The following ARL15 variants were observed in gnomAD, a reference collection of about 807,000 sequenced individuals.
ARL15 encodes ARF like GTPase 15, also known as ADP-ribosylation factor-like protein 15.
In ARL15, 19 loss-of-function variants were observed where a neutral mutation model predicts 25.2. That is an observed-to-expected ratio of 0.75 (90% confidence interval 0.53 to 1.10). The LOEUF is 1.10. ARL15 is among the 50% of genes least tolerant of loss of function. The pLI, the probability that ARL15 is intolerant of heterozygous loss-of-function variation, is 0.00. For synonymous variants in ARL15, 94 were observed against 86.8 expected (o/e 1.08, Z -0.46); for missense variants, 220 against 246.0 (o/e 0.89, Z 0.71).
At chr5:53,978,018 A>G (rs62372400) in intron 4 of ARL15, among the ~76,000 whole-genome samples, 4,218 of 152,368 alleles carry the variant, frequency 0.028, 108 homozygotes, top group Admixed American at 0.075. Flanking sequence ...TCTAAGAGAC[A>G]AAAACTTTAT....
intron 4 of ARL15, among the ~76,000 whole-genome samples, chr5:53,912,725 A>G (rs935109285): frequency 6.6e-5 from 10 of 152,202 alleles, no homozygotes; most frequent in African/African-American, 2.4e-4. Context: ...AAAGATTGCT[A>G]GAGTATTGTG....
chr5:54,307,331 A>G (rs1659053835), intron 1 of ARL15, among the ~76,000 whole-genome samples: 1 of 152,220 alleles, frequency 6.6e-6, no homozygotes, highest in African/African-American at 2.4e-5. Context: ...AAAACTGGTG[A>G]AAAAAAGCAG....
intron 1 of ARL15, among the ~76,000 whole-genome samples, chr5:54,299,809 G>A (rs1758569435): frequency 6.6e-6 from 1 of 151,828 alleles, no homozygotes; most frequent in South Asian, 2.1e-4. Flanking sequence ...AGATGGTCTG[G>A]ATCTCCTGAT....
intron 1 of ARL15, among the ~76,000 whole-genome samples, chr5:54,303,843 CTGAG>C (rs1235265416): frequency 9.9e-5 from 15 of 152,136 alleles, no homozygotes; most frequent in African/African-American, 3.1e-4. Flanking sequence ...CACTAGGGGG[CTGAG>C]TAAGGAGGTT....
At position 54,252,824 on chromosome 5, in the gene ARL15, A is replaced by G. The variant is rs561503576; in HGVS notation, c.48+57608T>C. ...ACTGCAACCTCTGCCTCCGGGCTCA[A>G]GCAATCCTTTCACCTCAGCCTTCCG... On this transcript the variant is annotated intron_variant, in intron 1 of 4. Transcript: ENST00000504924. Among the ~76,000 whole-genome samples, 20 of 152,254 alleles carry G rather than the reference A, an allele frequency of 1.3e-4. No individual in the cohort carries two copies. In the South Asian group the frequency reaches 4.1e-3, roughly 32 times the overall value.
chr5:54,310,541 T>A lies in ARL15; in HGVS notation c.-62A>T. The A allele has an allele frequency of 6.5e-7, 1 of 1,540,482 alleles. No homozygotes were observed. The highest frequency in any genetic ancestry group is 8.8e-7 in the Non-Finnish European group (1 of 1,139,294). ...GGAAAAAAAAAGCAGCGTCTCTGGC[T>A]GCGAGCGAGCAGCTCCTGAAAAAGC... is the stretch of plus-strand genomic sequence containing the variant. On this transcript the variant is annotated 5_prime_UTR_variant, in exon 1 of 5. Coordinates refer to ENST00000504924, the MANE Select transcript of ARL15 (RefSeq NM_019087.3).
chr5:53,950,922 C>T (rs1037953825), intron 4 of ARL15, among the ~76,000 whole-genome samples: 3 of 152,200 alleles, frequency 2.0e-5, no homozygotes, highest in Non-Finnish European at 2.9e-5. Context: ...CTGTTCCTGA[C>T]GATGGCTGGA....
At chr5:54,163,070 C>T (rs1754452739) in intron 2 of ARL15, among the ~76,000 whole-genome samples, 1 of 152,024 alleles carries the variant, frequency 6.6e-6, no homozygotes, top group Non-Finnish European at 1.5e-5. Context: ...TGAGGTAATT[C>T]CTTTCTAGTC....
At position 54,303,260 on chromosome 5, in the gene ARL15, G is replaced by T. The variant is rs2015000; in HGVS notation, c.48+7172C>A. Among the ~76,000 whole-genome samples the T allele has an allele frequency of 7.2e-3, 1,101 of 152,216 alleles. 16 individuals carry two copies. Among genetic ancestry groups the T allele is most frequent in the African/African-American group, 0.025 (1,037 of 41,534 alleles). On this transcript the variant is annotated intron_variant, in intron 1 of 4. Coordinates refer to ENST00000504924, the MANE Select transcript of ARL15 (RefSeq NM_019087.3). ...AATGGGGCTGGGCACAGTGGCTCAC[G>T]CCTGTGATCCTAGCACTTTGGGAAG...
chr5:53,959,075 A>C (rs977841806), intron 4 of ARL15, among the ~76,000 whole-genome samples: 2 of 152,216 alleles, frequency 1.3e-5, no homozygotes, highest in African/African-American at 4.8e-5. Flanking sequence ...ACAGACATAC[A>C]TAGAACACTC....
chr5:54,145,219 A>C (rs1753870980), intron 3 of ARL15, among the ~76,000 whole-genome samples: 1 of 152,208 alleles, frequency 6.6e-6, no homozygotes, highest in Non-Finnish European at 1.5e-5. Flanking sequence ...ACTTGTACCA[A>C]CAGTGATAAT....
intron 4 of ARL15, among the ~76,000 whole-genome samples, chr5:54,014,572 G>A (rs776455442): frequency 1.1e-4 from 17 of 151,502 alleles, no homozygotes; most frequent in Non-Finnish European, 1.8e-4. Context: ...CTAGGCTGGA[G>A]TGAAGTGGCA....
At chr5:54,239,013 C>G (rs1756883861) in intron 1 of ARL15, among the ~76,000 whole-genome samples, 1 of 152,184 alleles carries the variant, frequency 6.6e-6, no homozygotes, top group African/African-American at 2.4e-5. Context: ...CTAAGTAATA[C>G]AGCAGTTAGT....
intron 1 of ARL15, among the ~76,000 whole-genome samples, chr5:54,241,067 A>G (rs1756944586): frequency 6.6e-6 from 1 of 152,112 alleles, no homozygotes; most frequent in African/African-American, 2.4e-5. Flanking sequence ...AAGTCTCCAA[A>G]CTTCTGAATT....
intron 3 of ARL15, among the ~76,000 whole-genome samples, chr5:54,136,231 T>C (rs921468622): frequency 6.6e-6 from 1 of 152,196 alleles, no homozygotes; most frequent in Non-Finnish European, 1.5e-5. Context: ...ACTTAACTAA[T>C]GGATAATGTA....
At chr5:54,133,690 C>T (rs979236393) in intron 3 of ARL15, among the ~76,000 whole-genome samples, 3 of 152,088 alleles carry the variant, frequency 2.0e-5, no homozygotes, top group Non-Finnish European at 2.9e-5. Flanking sequence ...GAAATGGTTA[C>T]TATGTTATTC....
intron 4 of ARL15, among the ~76,000 whole-genome samples, chr5:53,999,672 G>A (rs1293265267): frequency 4.6e-5 from 7 of 152,142 alleles, no homozygotes; most frequent in Non-Finnish European, 1.0e-4. Flanking sequence ...CAGCACTTTG[G>A]GAGGCCAAGG....
In ARL15 at chr5:54,171,776, G is replaced by A. The variant is rs780877084; in HGVS notation, c.193+8C>T. On this transcript the variant is annotated splice_region_variant and intron_variant, in intron 2 of 4. Coordinates refer to ENST00000504924, the MANE Select transcript of ARL15 (RefSeq NM_019087.3). Reference sequence around the variant, plus strand: ...GAAGAAGGGACAGAACCCCAGCACAGTACCCACCTGTGGTCGACACGACGT... The same window carrying A: ...GAAGAAGGGACAGAACCCCAGCACAATACCCACCTGTGGTCGACACGACGT... The A allele has an allele frequency of 1.9e-6, 3 of 1,610,066 alleles. No homozygotes were observed. The highest frequency in any genetic ancestry group is 2.2e-5 in the South Asian group (2 of 90,332).
At chr5:53,944,971 A>G (rs567875486) in intron 4 of ARL15, among the ~76,000 whole-genome samples, 87 of 152,328 alleles carry the variant, frequency 5.7e-4, no homozygotes, top group Non-Finnish European at 9.7e-4. Flanking sequence ...GATGGAATTG[A>G]CATTTAGAAA....
Sources: gnomAD v4.1 joint callset for allele counts (sites outside exome capture counted in the v4.1 genomes callset) on GRCh38, gnomAD v4.1.1 for gene constraint, MANE v1.5 for transcripts, NCBI Gene and HGNC (gene_info 2026-07-23, HGNC 2026-07-21) for gene names.